SGK1: variants seen among roughly 807,000 people sequenced by gnomAD.
The protein encoded by SGK1 is serum/glucocorticoid regulated kinase 1.
In SGK1, 26 loss-of-function variants were observed where a neutral mutation model predicts 64.2. The ratio of observed to expected loss-of-function variants is 0.40; its 90% confidence interval spans 0.30 to 0.56. SGK1 has a LOEUF of 0.56. Among genes scored for constraint, SGK1 ranks in the 20% least tolerant of loss-of-function variants. SGK1 has a pLI of 0.38. For synonymous variants in SGK1, 265 were observed against 239.7 expected (o/e 1.11, Z -0.98); for missense variants, 519 against 645.6 (o/e 0.80, Z 2.12).
At chr6:134,254,929 C>T (rs1005526916) in intron 2 of SGK1, among the ~76,000 whole-genome samples, 1 of 151,964 alleles carries the variant, frequency 6.6e-6, no homozygotes, top group Non-Finnish European at 1.5e-5. Context: ...AGTGCAGTGG[C>T]GCCATCTCGG....
intron 1 of SGK1, among the ~76,000 whole-genome samples, chr6:134,285,591 A>G (rs542689512): frequency 2.0e-5 from 3 of 149,624 alleles, no homozygotes; most frequent in African/African-American, 7.4e-5. Flanking sequence ...AGTGGTATCT[A>G]ATTGTGGTTT....
chr6:134,295,525 G>A (rs1245969911), intron 1 of SGK1, among the ~76,000 whole-genome samples: 3 of 152,208 alleles, frequency 2.0e-5, no homozygotes, highest in East Asian at 1.9e-4. Context: ...CCATCATGGC[G>A]AAACCTTGTC....
chr6:134,238,715 T>A (rs1631657), intron 2 of SGK1, among the ~76,000 whole-genome samples: 115,391 of 151,918 alleles, frequency 0.76, 44,366 homozygotes, highest in South Asian at 0.91. Context: ...GGGTCTCCAA[T>A]GTGGAACACA....
chr6:134,251,447 G>A (rs1464841492), intron 2 of SGK1, among the ~76,000 whole-genome samples: 2 of 152,172 alleles, frequency 1.3e-5, no homozygotes. Context: ...GAAAGATTTG[G>A]TTACATACAA....
chr6:134,247,818 G>C (rs1776547891), intron 2 of SGK1, among the ~76,000 whole-genome samples: 1 of 152,146 alleles, frequency 6.6e-6, no homozygotes, highest in Admixed American at 6.5e-5. Context: ...CTGTGCATTT[G>C]CAAAACAGTC....
At chr6:134,223,044 A>G (rs1178489751) in intron 2 of SGK1, among the ~76,000 whole-genome samples, 4 of 152,190 alleles carry the variant, frequency 2.6e-5, no homozygotes, top group Admixed American at 2.6e-4. Flanking sequence ...GAACCCAAAT[A>G]TAGCTATTTT....
intron 1 of SGK1, among the ~76,000 whole-genome samples, chr6:134,277,806 A>C (rs543086976): frequency 7.2e-5 from 11 of 152,346 alleles, no homozygotes; most frequent in Non-Finnish European, 1.5e-4. Context: ...AAGGGTTACT[A>C]AACAGCAAGT....
At chr6:134,264,361 C>T (rs542326214) in intron 1 of SGK1, among the ~76,000 whole-genome samples, 28 of 152,034 alleles carry the variant, frequency 1.8e-4, no homozygotes, top group Admixed American at 5.2e-4. Context: ...CCTCATGATC[C>T]GCCCACCTTG....
chr6:134,296,006 CT>C, intron 1 of SGK1, among the ~76,000 whole-genome samples: 1 of 152,308 alleles, frequency 6.6e-6, no homozygotes, highest in East Asian at 1.9e-4. Flanking sequence ...TCTCAAGTTC[CT>C]GCTGTAACAG....
intron 3 of SGK1, among the ~76,000 whole-genome samples, chr6:134,194,212 T>C (rs927020527): frequency 1.8e-4 from 27 of 151,940 alleles, no homozygotes; most frequent in Admixed American, 1.6e-3. Context: ...ACATGCTATA[T>C]ATATTTTTGT....
chr6:134,207,256 CA>C (rs1429467523), intron 3 of SGK1, 99 bp downstream of exon 3: 5 of 788,240 alleles, frequency 6.3e-6, no homozygotes, highest in Non-Finnish European at 1.0e-5. Context: ...AACAAACAAA[CA>C]AAAAAATATT....
chr6:134,252,353 A>G (rs1776617727), intron 2 of SGK1, among the ~76,000 whole-genome samples: 1 of 152,164 alleles, frequency 6.6e-6, no homozygotes, highest in Non-Finnish European at 1.5e-5. Flanking sequence ...TGCTCACACA[A>G]TGTGCGCGTT....
chr6:134,252,521 T>C (rs1278557199), intron 2 of SGK1, among the ~76,000 whole-genome samples: 2 of 148,876 alleles, frequency 1.3e-5, no homozygotes, highest in African/African-American at 5.0e-5. Context: ...CAAATCTGGT[T>C]CATTTTTGTA....
intron 1 of SGK1, among the ~76,000 whole-genome samples, chr6:134,280,610 A>G (rs530733432): frequency 6.6e-6 from 1 of 152,080 alleles, no homozygotes; most frequent in Non-Finnish European, 1.5e-5. Flanking sequence ...TCCTCCCTAG[A>G]TTGTAAATTC....
chr6:134,196,254 T>TG (rs1372706449), intron 3 of SGK1, among the ~76,000 whole-genome samples: 4 of 151,918 alleles, frequency 2.6e-5, no homozygotes, highest in Non-Finnish European at 5.9e-5. Context: ...TAAAAAGAGA[T>TG]GGGGTCTCAC....
At chr6:134,283,374 C>A (rs1777124472) in intron 1 of SGK1, among the ~76,000 whole-genome samples, 2 of 151,898 alleles carry the variant, frequency 1.3e-5, no homozygotes. Flanking sequence ...GCCTGTAATC[C>A]CAGTTACTCA....
chr6:134,311,119 T>G (rs1174244878), intron 1 of SGK1, among the ~76,000 whole-genome samples: 1 of 152,098 alleles, frequency 6.6e-6, no homozygotes, highest in Non-Finnish European at 1.5e-5. Flanking sequence ...TACATTTCAG[T>G]CTTAATTTAT....
chr6:134,215,169 C>CTGGAGTACAG (rs1466930552), intron 2 of SGK1: 1 of 421,636 alleles, frequency 2.4e-6, no homozygotes, highest in Non-Finnish European at 4.6e-6. Flanking sequence ...GTTGCCCAGG[C>CTGGAGTACAG]TGGAGTACAG....
At chr6:134,177,780 C>A (rs772545265) in intron 3 of SGK1, 1 of 1,613,842 alleles carries the variant, frequency 6.2e-7, no homozygotes, top group South Asian at 1.1e-5. Flanking sequence ...GAATAAGCCT[C>A]CCTGCTACAT....
Sources: allele counts gnomAD v4.1 joint callset (sites outside exome capture counted in the v4.1 genomes callset), GRCh38; gene constraint gnomAD v4.1.1; transcripts MANE v1.5; gene names NCBI Gene and HGNC (gene_info 2026-07-23, HGNC 2026-07-21).